Variants in ICE1 observed in about 807,000 individuals in gnomAD.
The protein encoded by ICE1 is interactor of little elongation complex ELL subunit 1.
A neutral mutation model predicts 192.7 loss-of-function variants in ICE1; 64 were observed. The ratio of observed to expected loss-of-function variants is 0.33; its 90% confidence interval spans 0.27 to 0.41. The LOEUF is 0.41. Among genes scored for constraint, ICE1 ranks in the 10% least tolerant of loss-of-function variants. The probability of loss-of-function intolerance (pLI) is 1.00; values close to 1 mark genes in which losing one functional copy is unlikely to be tolerated. For synonymous variants in ICE1, 1,010 were observed against 984.5 expected (o/e 1.03, Z -0.49); for missense variants, 2,708 against 2,696.0 (o/e 1.00, Z -0.10).
intron 11 of ICE1, among the ~76,000 whole-genome samples, chr5:5,456,835 T>C (rs1005518462): frequency 2.0e-5 from 3 of 152,252 alleles, no homozygotes; most frequent in Non-Finnish European, 4.4e-5. Context: ...ATTATCATAC[T>C]GAGTATTCAT....
intron 17 of ICE1, 72 bp from the exon 18 acceptor site, chr5:5,486,649 G>C: frequency 9.9e-7 from 1 of 1,008,218 alleles, no homozygotes; most frequent in South Asian, 1.4e-5. Context: ...AAGAGAAGTG[G>C]ACCTTTAAAT....
chr5:5,423,808 T>C (rs1737424441), intron 1 of ICE1, among the ~76,000 whole-genome samples: 1 of 152,344 alleles, frequency 6.6e-6, no homozygotes, highest in South Asian at 2.1e-4. Flanking sequence ...CCTCATTACC[T>C]ACTCTGCCTA....
At chr5:5,449,862 A>G (rs1040870023) in intron 10 of ICE1, among the ~76,000 whole-genome samples, 3 of 152,164 alleles carry the variant, frequency 2.0e-5, no homozygotes, top group Admixed American at 6.6e-5. Flanking sequence ...TGGCCACTTT[A>G]AGGGCTAGCC....
At chr5:5,486,024 GACAA>G (rs1436387812) in intron 17 of ICE1, among the ~76,000 whole-genome samples, 3 of 152,176 alleles carry the variant, frequency 2.0e-5, no homozygotes, top group African/African-American at 7.2e-5. Flanking sequence ...TCACTCACAA[GACAA>G]ACAATTGGAT....
chr5:5,468,798 A>T, intron 14 of ICE1, 30 bp from the exon 15 acceptor site: 1 of 1,338,770 alleles, frequency 7.5e-7, no homozygotes, highest in Middle Eastern at 1.9e-4. Context: ...CATACATCAA[A>T]GAGTTATTGT....
intron 16 of ICE1, among the ~76,000 whole-genome samples, chr5:5,474,909 C>T (rs1201724766): frequency 6.6e-6 from 1 of 152,176 alleles, no homozygotes; most frequent in Admixed American, 6.5e-5. Flanking sequence ...AATCATGGCA[C>T]TCCTGTATGA....
chr5:5,468,150 A>G (rs1047889253), intron 14 of ICE1, among the ~76,000 whole-genome samples: 16 of 152,352 alleles, frequency 1.1e-4, no homozygotes, highest in African/African-American at 3.4e-4. Context: ...GGGAAGCCAG[A>G]CAGAAGAAAG....
intron 10 of ICE1, 41 bp downstream of exon 10, chr5:5,447,938 T>G: frequency 6.9e-7 from 1 of 1,451,298 alleles, no homozygotes; most frequent in Admixed American, 2.0e-5. Context: ...TGTGTATTGC[T>G]CTTAGTGGGT....
intron 17 of ICE1, among the ~76,000 whole-genome samples, chr5:5,480,028 A>G (rs553776422): frequency 4.6e-5 from 7 of 152,296 alleles, no homozygotes; most frequent in Admixed American, 3.3e-4. Context: ...GCAAACCATC[A>G]TGGCACATGT....
At chr5:5,432,282 T>C (rs1737735073) in intron 1 of ICE1, among the ~76,000 whole-genome samples, 1 of 152,240 alleles carries the variant, frequency 6.6e-6, no homozygotes, top group Non-Finnish European at 1.5e-5. Flanking sequence ...GACTCTAGAA[T>C]ACACGTGGAC....
chr5:5,464,253 T>C lies in ICE1; in HGVS notation c.4919T>C (p.Ile1640Thr). The change falls in exon 13 of 19, where the codon ATA (isoleucine) becomes ACA (threonine). Residue 1640 changes from isoleucine to threonine, a missense_variant. Transcript: ENST00000296564. The surrounding 1 kb of genome is among the most constrained non-coding windows in gnomAD (Gnocchi z 4.0). Reference protein sequence around the residue: ...PPLPPLLAPLIATPPRTSQPL... With the variant: ...PPLPPLLAPLTATPPRTSQPL... ...TTGCCGCCTCTGCTTGCTCCTCTGA[T>C]AGCTACACCTCCAAGGACTTCACAG... 3 of 1,613,554 alleles carry C rather than the reference T, an allele frequency of 1.9e-6. No homozygotes were observed. The highest frequency in any genetic ancestry group is 1.1e-5 in the South Asian group (1 of 91,050).
At chr5:5,432,196 G>A (rs1206432459) in intron 1 of ICE1, among the ~76,000 whole-genome samples, 1 of 152,032 alleles carries the variant, frequency 6.6e-6, no homozygotes, top group African/African-American at 2.4e-5. Context: ...GTCATTTCCT[G>A]TCTCTGTACT....
chr5:5,474,748 G>A (rs1739263529), intron 16 of ICE1, among the ~76,000 whole-genome samples: 1 of 152,138 alleles, frequency 6.6e-6, no homozygotes, highest in East Asian at 1.9e-4. Flanking sequence ...ATGCATCAAA[G>A]GTTTGATAAT....
chr5:5,440,746 G>A (rs1385709766), intron 4 of ICE1, among the ~76,000 whole-genome samples: 1 of 151,814 alleles, frequency 6.6e-6, no homozygotes, highest in Non-Finnish European at 1.5e-5. Flanking sequence ...AATTAGCCAG[G>A]TGTGGTGGCA....
intron 1 of ICE1, among the ~76,000 whole-genome samples, chr5:5,424,745 G>A (rs889099168): frequency 6.6e-6 from 1 of 152,178 alleles, no homozygotes; most frequent in Non-Finnish European, 1.5e-5. Context: ...AGAATAATAA[G>A]CTCTGTAGAA....
intron 1 of ICE1, among the ~76,000 whole-genome samples, chr5:5,423,558 T>C (rs1405226120): frequency 2.6e-5 from 4 of 152,198 alleles, no homozygotes; most frequent in African/African-American, 9.7e-5. Context: ...AGCTTGTCAG[T>C]TGTTTGATAA....
intron 11 of ICE1, among the ~76,000 whole-genome samples, chr5:5,454,861 G>A (rs867910505): frequency 3.3e-5 from 5 of 151,990 alleles, no homozygotes; most frequent in African/African-American, 7.3e-5. Context: ...AAAAAAAAAC[G>A]AGAAGGTCAA....
At position 5,464,449 on chromosome 5, in the gene ICE1, C is replaced by T. The variant is rs761765640; in HGVS notation, c.5115C>T (p.Ala1705=). The change falls in exon 13 of 19, where the codon GCC becomes GCT. Residue 1705 remains alanine, a synonymous_variant. Coordinates refer to ENST00000296564, the MANE Select transcript of ICE1 (RefSeq NM_015325.3). The surrounding 1 kb of genome is among the most constrained non-coding windows in gnomAD (Gnocchi z 4.0). The stretch of plus-strand genomic sequence containing the variant: ...CTCCATCTCCATCTGCAGCTTCAGC[C>T]AGTGAGAGGGTAGTGCCGTCTCCTC... The part of the protein sequence containing the change: ...DPSPSPSAAS[A]SERVVPSPLQ... 2 of 1,613,892 alleles carry T rather than the reference C, an allele frequency of 1.2e-6. No homozygotes were observed. The highest frequency in any genetic ancestry group is 2.2e-5 in the South Asian group (2 of 91,072).
chr5:5,424,076 G>T (rs542906254), intron 1 of ICE1, among the ~76,000 whole-genome samples: 1 of 152,300 alleles, frequency 6.6e-6, no homozygotes, highest in East Asian at 1.9e-4. Context: ...GGATTAACAG[G>T]TGGAAAGGTT....
Sources: allele counts gnomAD v4.1 joint callset (sites outside exome capture counted in the v4.1 genomes callset), GRCh38; gene constraint gnomAD v4.1.1; non-coding constraint Gnocchi (gnomAD v3.1); transcripts MANE v1.5; gene names NCBI Gene and HGNC (gene_info 2026-07-23, HGNC 2026-07-21).